ITGA8: variants seen among roughly 807,000 people sequenced by gnomAD.
ITGA8 encodes integrin alpha-8.
In ITGA8, 91 loss-of-function variants were observed where a neutral mutation model predicts 142.3. That is an observed-to-expected ratio of 0.64 (90% CI 0.54 to 0.76). The LOEUF (loss-of-function observed/expected upper bound fraction) is 0.76. ITGA8 is among the 30% of genes least tolerant of loss of function. ITGA8 has a pLI of 0.00. For synonymous variants in ITGA8, 505 were observed against 485.2 expected (o/e 1.04, Z -0.54); for missense variants, 1,406 against 1,327.7 (o/e 1.06, Z -0.92).
At chr10:15,667,687 T>C (rs1834422903) in intron 8 of ITGA8, among the ~76,000 whole-genome samples, 1 of 152,012 alleles carries the variant, frequency 6.6e-6, no homozygotes, top group Non-Finnish European at 1.5e-5. Context: ...CACACTGCTT[T>C]GAATGTGTCC....
intron 27 of ITGA8, among the ~76,000 whole-genome samples, chr10:15,535,383 G>A (rs777740996): frequency 1.1e-4 from 17 of 152,238 alleles, no homozygotes; most frequent in Non-Finnish European, 1.0e-4. Flanking sequence ...TCCACTAGGC[G>A]AAGCCAGCTG....
At chr10:15,657,879 C>T (rs1834215848) in intron 10 of ITGA8, among the ~76,000 whole-genome samples, 1 of 152,116 alleles carries the variant, frequency 6.6e-6, no homozygotes, top group Non-Finnish European at 1.5e-5. Context: ...TAAATTTGTC[C>T]TGCATTCAAA....
At chr10:15,647,084 T>C in intron 11 of ITGA8, 33 bp from the exon 12 acceptor site, 1 of 1,503,856 alleles carries the variant, frequency 6.6e-7, no homozygotes, top group Non-Finnish European at 9.2e-7. Flanking sequence ...CTCAGCACGC[T>C]AGCAGAGAGT....
chr10:15,574,345 A>T (rs1023734029), intron 24 of ITGA8, among the ~76,000 whole-genome samples: 2 of 152,152 alleles, frequency 1.3e-5, no homozygotes, highest in African/African-American at 4.8e-5. Flanking sequence ...ATGAAAAGTA[A>T]AATTATTTTT....
In ITGA8 at chr10:15,572,232, A is replaced by G. The variant is rs369447612; in HGVS notation, c.2616T>C (p.Asn872=). The part of the protein sequence containing the change: ...LGPLQCQPNP[N]INPQDIKPAA... ...CTACCTTTATATCCTGTGGATTGAT[A>G]TTAGGATTTGGTTGGCACTGCAGAG... The change falls in exon 25 of 30, where the codon AAT becomes AAC. Residue 872 remains asparagine (N), a synonymous_variant. Coordinates refer to ENST00000378076, the MANE Select transcript of ITGA8 (RefSeq NM_003638.3). 401 of 1,613,868 alleles carry G rather than the reference A, an allele frequency of 2.5e-4. No individual in the cohort carries two copies. The highest frequency in any genetic ancestry group is 1.7e-3 in the Middle Eastern group (10 of 6,060).
At chr10:15,694,222 CAT>C (rs1236045145) in intron 2 of ITGA8, among the ~76,000 whole-genome samples, 4 of 134,704 alleles carry the variant, frequency 3.0e-5, no homozygotes, top group African/African-American at 5.5e-5. Flanking sequence ...GATAACATAT[CAT>C]ATATATGATA....
chr10:15,694,678 C>CATATATATATATATAT (rs71374639), intron 2 of ITGA8, among the ~76,000 whole-genome samples: 3,478 of 77,302 alleles, frequency 0.045, 187 homozygotes, highest in East Asian at 0.066. Flanking sequence ...TATTTGTCGA[C>CATATATATATATATAT]ATATATATAT....
intron 25 of ITGA8, among the ~76,000 whole-genome samples, chr10:15,562,891 G>A (rs113182483): frequency 6.6e-6 from 1 of 152,138 alleles, no homozygotes; most frequent in Non-Finnish European, 1.5e-5. Context: ...ATCTCATGTC[G>A]AGTTTTAATT....
At chr10:15,626,989 A>G (rs1001005791) in intron 13 of ITGA8, among the ~76,000 whole-genome samples, 4 of 152,318 alleles carry the variant, frequency 2.6e-5, no homozygotes, top group African/African-American at 7.2e-5. Flanking sequence ...ACAGGTACAC[A>G]GGTGGTTCCC....
chr10:15,688,853 A>C (rs749683596), intron 2 of ITGA8, among the ~76,000 whole-genome samples: 1 of 152,246 alleles, frequency 6.6e-6, no homozygotes, highest in Non-Finnish European at 1.5e-5. Flanking sequence ...GTACCTACAC[A>C]CAGTGAAAGC....
At chr10:15,529,000 T>TCCCTTC (rs60913467) in intron 28 of ITGA8, among the ~76,000 whole-genome samples, 52,803 of 149,192 alleles carry the variant, frequency 0.35, 9,938 homozygotes, top group African/African-American at 0.48. Flanking sequence ...CCTTCCTTCT[T>TCCCTTC]CCCTTCCCCT....
intron 13 of ITGA8, among the ~76,000 whole-genome samples, chr10:15,636,682 C>T (rs551041065): frequency 1.6e-4 from 25 of 152,274 alleles, no homozygotes; most frequent in Admixed American, 6.5e-5. Flanking sequence ...TGTTACCAAG[C>T]CTTGTCTATT....
chr10:15,571,950 A>G (rs1248304934), intron 25 of ITGA8, among the ~76,000 whole-genome samples: 1 of 152,228 alleles, frequency 6.6e-6, no homozygotes, highest in Admixed American at 6.5e-5. Context: ...AATTGAGCCA[A>G]AAATAAAAGG....
At chr10:15,538,054 C>G (rs750357080) in intron 27 of ITGA8, among the ~76,000 whole-genome samples, 3 of 152,040 alleles carry the variant, frequency 2.0e-5, no homozygotes, top group Non-Finnish European at 4.4e-5. Context: ...TGGGAGGAAC[C>G]TGGAAGTTTG....
At chr10:15,706,491 A>G (rs1404644561) in intron 2 of ITGA8, among the ~76,000 whole-genome samples, 1 of 152,112 alleles carries the variant, frequency 6.6e-6, no homozygotes, top group Non-Finnish European at 1.5e-5. Flanking sequence ...GTCAGGCTGG[A>G]GTGCAGTGAC....
intron 11 of ITGA8, 65 bp from the exon 12 acceptor site, chr10:15,647,116 T>C: frequency 8.3e-7 from 1 of 1,205,500 alleles, no homozygotes; most frequent in South Asian, 1.2e-5. Context: ...GGGTTATTTG[T>C]AATCAACTAG....
At chr10:15,541,460 A>C (rs1833568002) in intron 27 of ITGA8, among the ~76,000 whole-genome samples, 1 of 152,132 alleles carries the variant, frequency 6.6e-6, no homozygotes, top group South Asian at 2.1e-4. Context: ...AAGTTTTTAC[A>C]TTTCTAGAAT....
rs544985050 is a variant in ITGA8, at chr10:15,557,260, GC to G, written c.2766+813del. 2.0e-3 allele frequency among the ~76,000 whole-genome samples: 304 copies of G among 152,190 alleles called. 1 individual carries two copies. The highest frequency in any genetic ancestry group is 7.0e-3 in the African/African-American group (292 of 41,548). On this transcript the variant is annotated intron_variant, in intron 26 of 29. Transcript: ENST00000378076. ...CTGGGCATGGTGGCATGTGCCTGTA[GC>G]CCCAGCTACTCGGGAGACTGAGGCA...
At chr10:15,693,277 A>C (rs1186683757) in intron 2 of ITGA8, among the ~76,000 whole-genome samples, 1 of 152,094 alleles carries the variant, frequency 6.6e-6, no homozygotes, top group Non-Finnish European at 1.5e-5. Flanking sequence ...TTCTTCCTTG[A>C]CTTTATAAAA....
Sources: allele counts gnomAD v4.1 joint callset (sites outside exome capture counted in the v4.1 genomes callset), GRCh38; gene constraint gnomAD v4.1.1; transcripts MANE v1.5; gene names NCBI Gene and HGNC (gene_info 2026-07-23, HGNC 2026-07-21).